The following GRIA1 variants were observed in gnomAD, a reference collection of about 807,000 sequenced individuals.
The protein encoded by GRIA1 is glutamate ionotropic receptor AMPA type subunit 1, also known as glutamate receptor 1.
A neutral mutation model predicts 99.2 loss-of-function variants in GRIA1; 31 were observed. The observed-to-expected ratio is 0.31, with a 90% CI of 0.23 to 0.42. GRIA1 has a LOEUF of 0.42. GRIA1 is among the 10% of genes least tolerant of loss of function. The probability of loss-of-function intolerance (pLI) is 1.00; values close to 1 mark genes in which losing one functional copy is unlikely to be tolerated. For missense variants in GRIA1, 782 were observed against 1,157.5 expected (o/e 0.68, Z 4.71); for synonymous variants, 438 against 432.4 (o/e 1.01, Z -0.16).
intron 11 of GRIA1, among the ~76,000 whole-genome samples, chr5:153,745,530 A>G (rs1762089360): frequency 6.7e-6 from 1 of 148,956 alleles, no homozygotes; most frequent in African/African-American, 2.5e-5. Context: ...CAGAGGTTAC[A>G]GTGAGCCGAG....
chr5:153,517,375 G>A (rs2113350326), intron 2 of GRIA1, among the ~76,000 whole-genome samples: 1 of 152,256 alleles, frequency 6.6e-6, no homozygotes, highest in Middle Eastern at 3.4e-3. Flanking sequence ...GTTTTGTGGG[G>A]AGCAGAACAT....
intron 11 of GRIA1, among the ~76,000 whole-genome samples, chr5:153,742,328 T>A (rs1200048648): frequency 6.6e-6 from 1 of 152,192 alleles, no homozygotes; most frequent in Non-Finnish European, 1.5e-5. Flanking sequence ...AGAAGTAGCA[T>A]AGGTTACCAC....
chr5:153,578,635 G>A (rs7704432), intron 2 of GRIA1, among the ~76,000 whole-genome samples: 3,620 of 152,300 alleles, frequency 0.024, 87 homozygotes, highest in African/African-American at 0.055. Context: ...TCGGCTGGCC[G>A]CGGTGGCTCA....
intron 2 of GRIA1, among the ~76,000 whole-genome samples, chr5:153,494,509 G>A (rs1754226392): frequency 6.6e-6 from 1 of 152,176 alleles, no homozygotes; most frequent in Non-Finnish European, 1.5e-5. Context: ...TAATAGCTGA[G>A]AAGTTGTACA....
intron 2 of GRIA1, among the ~76,000 whole-genome samples, chr5:153,529,517 G>T (rs1757909075): frequency 6.6e-6 from 1 of 152,150 alleles, no homozygotes. Context: ...GACAGTATAA[G>T]TTGGTCTCAT....
chr5:153,748,225 G>A (rs1762282739), intron 11 of GRIA1, among the ~76,000 whole-genome samples: 1 of 152,200 alleles, frequency 6.6e-6, no homozygotes, highest in African/African-American at 2.4e-5. Context: ...TGGAGGTAAT[G>A]ATACTTAGAG....
chr5:153,805,197 G>A (rs1393937421), intron 15 of GRIA1, among the ~76,000 whole-genome samples: 1 of 152,154 alleles, frequency 6.6e-6, no homozygotes, highest in Non-Finnish European at 1.5e-5. Context: ...TAATGACAAT[G>A]ATAACTAGTA....
chr5:153,617,937 G>A (rs937090576), intron 2 of GRIA1, among the ~76,000 whole-genome samples: 3 of 152,110 alleles, frequency 2.0e-5, no homozygotes, highest in Non-Finnish European at 4.4e-5. Flanking sequence ...CTCTGATTTG[G>A]CTCACTATTT....
chr5:153,637,811 T>C (rs925250819), intron 2 of GRIA1, among the ~76,000 whole-genome samples: 5 of 152,186 alleles, frequency 3.3e-5, no homozygotes, highest in Non-Finnish European at 5.9e-5. Context: ...CTGTGGATGC[T>C]AGATGGGCAA....
chr5:153,727,679 G>A (rs900123201), intron 11 of GRIA1, among the ~76,000 whole-genome samples: 3 of 152,068 alleles, frequency 2.0e-5, no homozygotes. Flanking sequence ...CAACTTACAA[G>A]GGACGTGAAG....
intron 13 of GRIA1, among the ~76,000 whole-genome samples, chr5:153,791,942 T>C (rs1765329761): frequency 6.6e-6 from 1 of 151,136 alleles, no homozygotes; most frequent in African/African-American, 2.4e-5. Context: ...TTGAGCATGC[T>C]GTAATAAATG....
At chr5:153,799,238 T>C (rs769698038) in intron 14 of GRIA1, among the ~76,000 whole-genome samples, 9 of 152,128 alleles carry the variant, frequency 5.9e-5, no homozygotes. Context: ...TGAGTAGCTG[T>C]TTATACACAG....
At position 153,517,451 on chromosome 5, in the gene GRIA1, C is replaced by T. The variant is rs556284635; in HGVS notation, c.220+23386C>T. On this transcript the variant is annotated intron_variant, in intron 2 of 15. Transcript: ENST00000285900. ...CAGCTTTGGAAATCAGGGGAGGGAC[C>T]CTCAAAGAACCATGGAAAGTCCCCT... Among the ~76,000 whole-genome samples, 3 of 152,126 alleles carry T rather than the reference C, an allele frequency of 2.0e-5. No homozygotes were observed. The South Asian group carries it at 6.2e-4, about 32-fold the overall frequency.
At chr5:153,647,811 T>C (rs1220070738) in intron 3 of GRIA1, among the ~76,000 whole-genome samples, 3 of 152,178 alleles carry the variant, frequency 2.0e-5, no homozygotes, top group African/African-American at 7.2e-5. Context: ...TTCTATACTT[T>C]TTCTTCTCTA....
intron 2 of GRIA1, among the ~76,000 whole-genome samples, chr5:153,560,373 G>A (rs1342285689): frequency 6.6e-6 from 1 of 152,174 alleles, no homozygotes. Flanking sequence ...AGGACTGGAT[G>A]TGCTTTTGGA....
At chr5:153,536,002 C>T (rs796619230) in intron 2 of GRIA1, among the ~76,000 whole-genome samples, 2 of 152,180 alleles carry the variant, frequency 1.3e-5, no homozygotes, top group Admixed American at 6.5e-5. Context: ...CTGTCAGAAT[C>T]GTCCTTTTAA....
chr5:153,791,123 T>C (rs954332599), intron 13 of GRIA1, among the ~76,000 whole-genome samples: 2 of 144,520 alleles, frequency 1.4e-5, no homozygotes, highest in African/African-American at 5.3e-5. Context: ...TAGCAATTCG[T>C]TTCTGTCTCC....
intron 2 of GRIA1, among the ~76,000 whole-genome samples, chr5:153,523,083 T>A (rs927669615): frequency 6.6e-6 from 1 of 151,258 alleles, no homozygotes; most frequent in Non-Finnish European, 1.5e-5. Context: ...ATTTTATTAT[T>A]AGACCTCTCT....
intron 11 of GRIA1, among the ~76,000 whole-genome samples, chr5:153,761,869 C>T (rs1273995515): frequency 1.3e-5 from 2 of 152,304 alleles, no homozygotes; most frequent in African/African-American, 4.8e-5. Flanking sequence ...TTTGCAACAA[C>T]ATGGATGGAC....
Sources: allele counts gnomAD v4.1 joint callset (sites outside exome capture counted in the v4.1 genomes callset), GRCh38; gene constraint gnomAD v4.1.1; transcripts MANE v1.5; gene names NCBI Gene and HGNC (gene_info 2026-07-23, HGNC 2026-07-21).